SPAG16: variants seen among roughly 807,000 people sequenced by gnomAD.
SPAG16 encodes sperm associated antigen 16.
In SPAG16, 86 loss-of-function variants were observed where a neutral mutation model predicts 80.4. That is an observed-to-expected ratio of 1.07 (90% CI 0.90 to 1.28). The LOEUF (loss-of-function observed/expected upper bound fraction) is 1.28, where lower values mean the gene tolerates loss of function less well. Among genes scored for constraint, SPAG16 ranks in the 50% most tolerant of loss-of-function variants. The pLI, the probability that SPAG16 is intolerant of heterozygous loss-of-function variation, is 0.00. For synonymous variants in SPAG16, 294 were observed against 265.9 expected, an observed-to-expected ratio of 1.11 and a Z score of -1.03; for missense variants, 870 against 765.3, an observed-to-expected ratio of 1.14 and a Z score of -1.61.
chr2:213,299,817 CAGT>C (rs1247121961), intron 3 of SPAG16, among the ~76,000 whole-genome samples: 5 of 152,022 alleles, frequency 3.3e-5, no homozygotes, highest in African/African-American at 9.6e-5. Context: ...ATTATACTAT[CAGT>C]AGTTTCTTGA....
At chr2:214,080,469 G>A (rs1217135362) in intron 13 of SPAG16, among the ~76,000 whole-genome samples, 8 of 150,814 alleles carry the variant, frequency 5.3e-5, no homozygotes, top group South Asian at 2.1e-4. Flanking sequence ...TTAGCCGGGC[G>A]TGGTGGTGGG....
intron 15 of SPAG16, among the ~76,000 whole-genome samples, chr2:214,257,018 A>G (rs1421222878): frequency 6.6e-6 from 1 of 151,904 alleles, no homozygotes; most frequent in East Asian, 1.9e-4. Flanking sequence ...TATATTTTGT[A>G]TCTTGCAATC....
intron 15 of SPAG16, among the ~76,000 whole-genome samples, chr2:214,356,302 A>G (rs1194687216): frequency 6.6e-6 from 1 of 152,012 alleles, no homozygotes; most frequent in African/African-American, 2.4e-5. Context: ...CTTTTGATCA[A>G]TGTCAGAAAT....
chr2:214,381,005 G>C (rs1485972051), intron 15 of SPAG16, among the ~76,000 whole-genome samples: 1 of 152,202 alleles, frequency 6.6e-6, no homozygotes, highest in South Asian at 2.1e-4. Flanking sequence ...GGGAATTCTT[G>C]GTCCTGCTGC....
intron 12 of SPAG16, among the ~76,000 whole-genome samples, chr2:213,937,574 C>A (rs1317331285): frequency 1.3e-5 from 2 of 151,756 alleles, no homozygotes; most frequent in African/African-American, 4.8e-5. Context: ...GAAATGATGT[C>A]TGAGTATTAC....
intron 12 of SPAG16, among the ~76,000 whole-genome samples, chr2:213,955,814 A>G (rs2044092416): frequency 6.6e-6 from 1 of 151,940 alleles, no homozygotes; most frequent in South Asian, 2.1e-4. Flanking sequence ...AATCATTGTT[A>G]TTTCTGTACA....
chr2:213,727,619 G>A (rs574326896), intron 10 of SPAG16, among the ~76,000 whole-genome samples: 1 of 152,270 alleles, frequency 6.6e-6, no homozygotes, highest in East Asian at 1.9e-4. Context: ...GACATGGAGA[G>A]GAATAAATGA....
At chr2:214,182,514 T>G (rs962767668) in intron 15 of SPAG16, among the ~76,000 whole-genome samples, 1 of 151,952 alleles carries the variant, frequency 6.6e-6, no homozygotes, top group Non-Finnish European at 1.5e-5. Flanking sequence ...ATTATAGACA[T>G]GTACCTTAGG....
chr2:213,623,277 CAT>C (rs1300587927), intron 10 of SPAG16, among the ~76,000 whole-genome samples: 5 of 152,000 alleles, frequency 3.3e-5, no homozygotes, highest in African/African-American at 1.2e-4. Context: ...ACTGGTTTAT[CAT>C]GTGTAGGAAA....
intron 15 of SPAG16, among the ~76,000 whole-genome samples, chr2:214,257,387 G>A (rs776410347): frequency 7.2e-5 from 11 of 151,842 alleles, no homozygotes; most frequent in Middle Eastern, 3.4e-3. Context: ...ATCCTATTGC[G>A]CTCTTAAGAC....
intron 10 of SPAG16, among the ~76,000 whole-genome samples, chr2:213,646,754 G>T (rs1197688353): frequency 2.0e-5 from 3 of 152,106 alleles, no homozygotes; most frequent in Non-Finnish European, 4.4e-5. Flanking sequence ...AGTAATTTTG[G>T]CTGTAGATCC....
At chr2:213,327,771 T>G (rs1453797730) in intron 5 of SPAG16, among the ~76,000 whole-genome samples, 1 of 152,078 alleles carries the variant, frequency 6.6e-6, no homozygotes, top group Non-Finnish European at 1.5e-5. Context: ...TAGAAGATAT[T>G]TACTTACTGG....
chr2:213,590,439 A>T (rs79156350), intron 10 of SPAG16, among the ~76,000 whole-genome samples: 11,176 of 151,112 alleles, frequency 0.074, 979 homozygotes, highest in African/African-American at 0.21. Context: ...CTTCAACAAA[A>T]CAACAAGAAA....
At chr2:214,252,763 C>T (rs111237515) in intron 15 of SPAG16, among the ~76,000 whole-genome samples, 3,503 of 152,154 alleles carry the variant, frequency 0.023, 92 homozygotes, top group African/African-American at 0.06. Flanking sequence ...CATAAGTGTG[C>T]GTGTGTCTTT....
chr2:213,915,222 T>C (rs1338464498), intron 11 of SPAG16, among the ~76,000 whole-genome samples: 2 of 152,038 alleles, frequency 1.3e-5, no homozygotes, highest in Non-Finnish European at 2.9e-5. Context: ...GGTGGTTTGC[T>C]GCACCCATCA....
chr2:213,450,713 G>T (rs961971647), intron 9 of SPAG16, among the ~76,000 whole-genome samples: 1 of 152,002 alleles, frequency 6.6e-6, no homozygotes, highest in African/African-American at 2.4e-5. Flanking sequence ...GAGTTTATGT[G>T]CACAAAACTA....
At chr2:213,319,998 T>C (rs569822310) in intron 5 of SPAG16, among the ~76,000 whole-genome samples, 1 of 151,956 alleles carries the variant, frequency 6.6e-6, no homozygotes, top group East Asian at 1.9e-4. Context: ...ACAAGGAAAA[T>C]TTGTGTTTGC....
At chr2:214,110,331 C>A (rs1223374319) in intron 14 of SPAG16, among the ~76,000 whole-genome samples, 1 of 151,930 alleles carries the variant, frequency 6.6e-6, no homozygotes, top group East Asian at 1.9e-4. Flanking sequence ...TGTTCCCCAC[C>A]CTATGTCCAA....
intron 11 of SPAG16, among the ~76,000 whole-genome samples, chr2:213,877,915 A>C (rs4673766): frequency 0.59 from 90,265 of 151,884 alleles, 28,726 homozygotes; most frequent in South Asian, 0.85. Context: ...CACTGTCACT[A>C]TCTGTTATTT....
Sources: gnomAD v4.1 joint callset for allele counts (sites outside exome capture counted in the v4.1 genomes callset) on GRCh38, gnomAD v4.1.1 for gene constraint, MANE v1.5 for transcripts, NCBI Gene and HGNC (gene_info 2026-07-23, HGNC 2026-07-21) for gene names.